CA5B: variants seen among roughly 807,000 people sequenced by gnomAD.
The protein encoded by CA5B is carbonic anhydrase 5B, mitochondrial.
A neutral mutation model predicts 23.1 loss-of-function variants in CA5B; 15 were observed. The observed-to-expected ratio is 0.65, with a 90% CI of 0.43 to 1.00. The LOEUF is 1.00. Among genes scored for constraint, CA5B ranks in the 50% least tolerant of loss-of-function variants. The pLI is 0.00. For synonymous variants in CA5B, 84 were observed against 98.5 expected (o/e 0.85, Z 0.87); for missense variants, 236 against 252.2 (o/e 0.94, Z 0.43).
intron 2 of CA5B, among the ~76,000 whole-genome samples, chrX:15,755,683 C>T (rs1931474208): frequency 8.9e-6 from 1 of 112,354 alleles, no homozygotes; most frequent in Admixed American, 9.4e-5. Flanking sequence ...TGCCTGTAAG[C>T]CCAGGACTTT....
intron 2 of CA5B, chrX:15,762,654 C>T (rs1569277751): frequency 7.1e-6 from 2 of 281,497 alleles, no homozygotes; most frequent in South Asian, 3.5e-5. Context: ...CTCCTGACCT[C>T]GTGATCCGCC....
chrX:15,747,214 A>G (rs1931253024), intron 1 of CA5B, among the ~76,000 whole-genome samples: 1 of 112,141 alleles, frequency 8.9e-6, no homozygotes, highest in South Asian at 3.7e-4. Context: ...TAATTTCCTC[A>G]GTTATAATTT....
intron 2 of CA5B, 35 bp downstream of exon 2, chrX:15,750,200 G>T: frequency 9.6e-7 from 1 of 1,042,150 alleles, no homozygotes; most frequent in Admixed American, 2.7e-5. Flanking sequence ...GAACAAAAAG[G>T]GCTCCAGCCT....
chrX:15,762,797 G>A (rs775711884), intron 2 of CA5B: 3 of 366,458 alleles, frequency 8.2e-6, no homozygotes, highest in Non-Finnish European at 1.6e-5. Context: ...TGTTGTTCTT[G>A]ATTCTACCCA....
rs763977054 is a variant in CA5B at position 15,784,953 on chromosome X, A to C, written c.*2289A>C. ...ATAAGAACATGAAAATATGCTCAACATTGCCAATTATTAGGGAAATGCAAA... is the reference window on the plus strand; with the variant it reads ...ATAAGAACATGAAAATATGCTCAACCTTGCCAATTATTAGGGAAATGCAAA... On this transcript the variant is annotated 3_prime_UTR_variant, in exon 8 of 8. Transcript: ENST00000318636. 1 of 112,295 alleles carries C rather than the reference A, an allele frequency of 8.9e-6. No individual in the cohort carries two copies. The highest frequency in any genetic ancestry group is 3.7e-4 in the South Asian group (1 of 2,719). 9.3% of individuals were successfully genotyped at this position (112,295 alleles called of 1,213,427 possible).
intron 3 of CA5B, chrX:15,767,149 T>C: frequency 1.3e-6 from 1 of 752,296 alleles, no homozygotes; most frequent in South Asian, 4.4e-5. Context: ...AGTAATCCTT[T>C]TGAATTCTCA....
intron 1 of CA5B, 95 bp from the exon 2 acceptor site, chrX:15,749,876 A>G (rs1444644262): frequency 1.6e-6 from 1 of 622,687 alleles, no homozygotes; most frequent in Admixed American, 3.3e-5. Flanking sequence ...CAGGGTGTGT[A>G]CTGCTAGTCT....
Position 15,781,028 on chromosome X carries a change from G to C in CA5B, c.775-1457G>C, listed in dbSNP as rs185881235. Among the ~76,000 whole-genome samples, 3 of 108,249 alleles carry C rather than the reference G, an allele frequency of 2.8e-5. No homozygotes were observed. In the East Asian group the frequency reaches 8.6e-4, roughly 31 times the overall value. The allele number at this position is 108,249 out of a possible 115,157, so 94.0% of individuals were successfully genotyped here. ...AGTTTCACTCTCGTTGCCCAGGTGA[G>C]AGTCCAGTGGCGCGTGCCCAGGTGA... On this transcript the variant is annotated intron_variant, in intron 7 of 7. Coordinates refer to ENST00000318636, the MANE Select transcript of CA5B (RefSeq NM_007220.4).
chrX:15,779,881 C>T lies in CA5B; in HGVS notation c.775-2604C>T, dbSNP rs141546070. Among the ~76,000 whole-genome samples the T allele has an allele frequency of 3.6e-5, 4 of 111,888 alleles. No individual in the cohort carries two copies. In the East Asian group the frequency reaches 8.3e-4, roughly 23 times the overall value. On this transcript the variant is annotated intron_variant, in intron 7 of 7. Transcript: ENST00000318636. ...ACATAACATTGAAAAACAAATAAAG[C>T]AAATACATCAGAGGGTCAGTGGCCC...
intron 5 of CA5B, 30 bp downstream of exon 5, chrX:15,774,427 T>G: frequency 1.2e-6 from 1 of 834,565 alleles, no homozygotes; most frequent in Non-Finnish European, 1.8e-6. Flanking sequence ...TTAAATGACG[T>G]GTTGTATTCT....
At chrX:15,759,797 G>A (rs1931566388) in intron 2 of CA5B, among the ~76,000 whole-genome samples, 1 of 84,298 alleles carries the variant, frequency 1.2e-5, no homozygotes, top group Non-Finnish European at 2.1e-5. Flanking sequence ...CGCCCTGGCT[G>A]GAGTGCAATG....
At chrX:15,771,739 G>A (rs190010243) in intron 3 of CA5B, among the ~76,000 whole-genome samples, 52 of 110,235 alleles carry the variant, frequency 4.7e-4, no homozygotes, top group African/African-American at 1.6e-3. Context: ...GGCCCGGCCA[G>A]TGTGTTTTTT....
chrX:15,742,957 C>T (rs1931152302), intron 1 of CA5B, among the ~76,000 whole-genome samples: 2 of 112,355 alleles, frequency 1.8e-5, no homozygotes, highest in Admixed American at 1.9e-4. Flanking sequence ...AACCAAGAGT[C>T]ATCTGATCAA....
At position 15,750,133 on chromosome X, in the gene CA5B, A is replaced by C; in HGVS notation, c.110A>C (p.Tyr37Ser). ...ATGCCAGCGAGGCCCTGCAGCCTCT[A>C]TACTTGTACTTACAAAACCCGGAAC... Reference protein sequence around the residue: ...RFMPARPCSLYTCTYKTRNRA... With the variant: ...RFMPARPCSLSTCTYKTRNRA... The change falls in exon 2 of 8, where the codon TAT becomes TCT. Residue 37 changes from tyrosine (Y) to serine (S), a missense_variant. Coordinates refer to ENST00000318636, the MANE Select transcript of CA5B (RefSeq NM_007220.4). 7 of 1,211,279 alleles carry C rather than the reference A, an allele frequency of 5.8e-6. No homozygotes were observed. Among genetic ancestry groups the C allele is most frequent in the Non-Finnish European group, 6.7e-6 (6 of 895,170 alleles).
intron 3 of CA5B, chrX:15,769,653 T>A (rs1931780829): frequency 1.5e-6 from 1 of 676,143 alleles, no homozygotes; most frequent in Non-Finnish European, 1.8e-6. Context: ...TTTTAGGTCC[T>A]ACATTTACTT....
At chrX:15,751,590 T>G (rs1210336887) in intron 2 of CA5B, among the ~76,000 whole-genome samples, 2 of 109,069 alleles carry the variant, frequency 1.8e-5, no homozygotes, top group African/African-American at 6.7e-5. Flanking sequence ...GGTATACGTA[T>G]GTAGTTAGGA....
chrX:15,761,227 A>G (rs1006077562), intron 2 of CA5B, among the ~76,000 whole-genome samples: 7 of 111,885 alleles, frequency 6.3e-5, no homozygotes, highest in African/African-American at 2.3e-4. Flanking sequence ...TTACATATGC[A>G]GATTTGTTAC....
intron 2 of CA5B, among the ~76,000 whole-genome samples, chrX:15,757,141 C>G (rs1412050298): frequency 9.1e-6 from 1 of 110,324 alleles, no homozygotes; most frequent in Non-Finnish European, 1.9e-5. Context: ...TTTGGGAGGC[C>G]AAGGCGGGTG....
At chrX:15,745,183 AAAAAGAAAAG>A (rs58217589) in intron 1 of CA5B, among the ~76,000 whole-genome samples, 16 of 86,790 alleles carry the variant, frequency 1.8e-4, no homozygotes, top group South Asian at 5.3e-4. Context: ...AAAAAAAAAA[AAAAAGAAAAG>A]AAAAGAAAAG....
Sources: allele counts gnomAD v4.1 joint callset (sites outside exome capture counted in the v4.1 genomes callset), GRCh38; gene constraint gnomAD v4.1.1; transcripts MANE v1.5; gene names NCBI Gene and HGNC (gene_info 2026-07-23, HGNC 2026-07-21).